Variants in ASAP1 observed in about 807,000 individuals in gnomAD.
ASAP1 encodes arf-GAP with SH3 domain, ANK repeat and PH domain-containing protein 1.
ASAP1 carries 43 observed loss-of-function variants against 145.2 expected under a neutral mutation model. That is an observed-to-expected ratio of 0.30 (90% confidence interval 0.23 to 0.38). The LOEUF is 0.38. ASAP1 is among the 10% of genes least tolerant of loss of function. The pLI, the probability that ASAP1 is intolerant of heterozygous loss-of-function variation, is 1.00. For synonymous variants in ASAP1, 546 were observed against 515.5 expected, an observed-to-expected ratio of 1.06 and a Z score of -0.80; for missense variants, 1,018 against 1,355.3, an observed-to-expected ratio of 0.75 and a Z score of 3.91.
At chr8:130,438,083 G>A (rs972605217) in intron 1 of ASAP1, among the ~76,000 whole-genome samples, 5 of 152,202 alleles carry the variant, frequency 3.3e-5, no homozygotes, top group African/African-American at 4.8e-5. Flanking sequence ...CAGTCGCTTT[G>A]TAACTCAGCT....
At chr8:130,432,380 G>C (rs1271405799) in intron 1 of ASAP1, among the ~76,000 whole-genome samples, 1 of 152,056 alleles carries the variant, frequency 6.6e-6, no homozygotes, top group African/African-American at 2.4e-5. Context: ...GGAACAGCAA[G>C]ACTGTGAAAG....
At position 130,262,457 on chromosome 8, in the gene ASAP1, A is replaced by AGAGAGAGAGT. The variant is rs796416744; in HGVS notation, c.187-25464_187-25463insACTCTCTCTC. Among the ~76,000 whole-genome samples the AGAGAGAGAGT allele has an allele frequency of 2.7e-4, 35 of 127,870 alleles. 1 individual carries two copies. The highest frequency in any genetic ancestry group is 4.1e-4 in the Non-Finnish European group (25 of 60,942). The allele number at this position is 127,870 out of a possible 152,430, so 83.9% of individuals were successfully genotyped here. A position where few individuals can be genotyped will look rare whatever the true frequency, so the allele number is the denominator to read the frequency against. ...GAGAGAGAGAGAGAGAGAGAGAGAG[A>AGAGAGAGAGT]ACCTGTGGAATTTCAGATAGGTTAG... On this transcript the variant is annotated intron_variant, in intron 3 of 29. Coordinates refer to ENST00000518721, the MANE Select transcript of ASAP1 (RefSeq NM_018482.4).
intron 7 of ASAP1, among the ~76,000 whole-genome samples, chr8:130,185,725 G>A (rs1218565862): frequency 3.5e-5 from 3 of 85,214 alleles, no homozygotes; most frequent in Admixed American, 1.5e-4. Context: ...GTGAAACTCC[G>A]CCTCAAAAAA....
intron 23 of ASAP1, among the ~76,000 whole-genome samples, chr8:130,115,070 T>A (rs2097552868): frequency 6.6e-6 from 1 of 152,202 alleles, no homozygotes; most frequent in African/African-American, 2.4e-5. Context: ...TCATGGTTAA[T>A]TTTATGTGTC....
intron 3 of ASAP1, among the ~76,000 whole-genome samples, chr8:130,344,788 A>G (rs1825604814): frequency 6.6e-6 from 1 of 152,178 alleles, no homozygotes. Flanking sequence ...AAAACTGCCC[A>G]AAGTAAAAAA....
intron 3 of ASAP1, among the ~76,000 whole-genome samples, chr8:130,251,942 T>A (rs988614806): frequency 1.3e-5 from 2 of 152,166 alleles, no homozygotes; most frequent in African/African-American, 4.8e-5. Context: ...ATATTTCAAG[T>A]CACAAAACCA....
chr8:130,437,678 G>C (rs1181881145), intron 1 of ASAP1, among the ~76,000 whole-genome samples: 3 of 152,208 alleles, frequency 2.0e-5, no homozygotes, highest in Admixed American at 6.5e-5. Flanking sequence ...TTTTTACAGA[G>C]GCAGAAGCCT....
chr8:130,169,151 C>T lies in ASAP1; in HGVS notation c.747-84G>A, dbSNP rs562620995. The T allele has an allele frequency of 1.9e-4, 146 of 769,734 alleles. No individual in the cohort carries two copies. In the African/African-American group the frequency reaches 2.4e-3, roughly 13 times the overall value. 47.7% of individuals were successfully genotyped at this position (769,734 alleles called of 1,614,324 possible). ...CCTTATGTGGAAATAAAAAAAGGAACTATAATAACCTACAAAATCTGAAAA... is the reference window on the plus strand; with the variant it reads ...CCTTATGTGGAAATAAAAAAAGGAATTATAATAACCTACAAAATCTGAAAA... On this transcript the variant is annotated intron_variant, in intron 9 of 29. Transcript: ENST00000518721.
chr8:130,432,895 T>C (rs1223550979), intron 1 of ASAP1, among the ~76,000 whole-genome samples: 1 of 152,154 alleles, frequency 6.6e-6, no homozygotes, highest in Non-Finnish European at 1.5e-5. Context: ...CACTGGAGGG[T>C]GGACATCTGA....
intron 25 of ASAP1, among the ~76,000 whole-genome samples, chr8:130,081,845 G>A (rs540401078): frequency 1.3e-5 from 2 of 152,128 alleles, no homozygotes; most frequent in East Asian, 1.9e-4. Flanking sequence ...TAACAGCAAC[G>A]ACCGTTTACT....
chr8:130,299,914 T>G (rs990224666), intron 3 of ASAP1, among the ~76,000 whole-genome samples: 1 of 152,006 alleles, frequency 6.6e-6, no homozygotes, highest in Non-Finnish European at 1.5e-5. Context: ...ATTTTCTTCA[T>G]ACAAATCTTC....
intron 2 of ASAP1, among the ~76,000 whole-genome samples, chr8:130,373,850 A>G (rs911657714): frequency 1.9e-4 from 18 of 95,136 alleles, no homozygotes; most frequent in African/African-American, 6.6e-4. Flanking sequence ...GAGTCTCCAG[A>G]AAAAAAAAAA....
At position 130,072,831 on chromosome 8, in the gene ASAP1, G is replaced by GCGC. The variant is rs58907739; in HGVS notation, c.2701+3516_2701+3517insGCG. ...TGTGTGTGTGTGTGTGTGTGCGCGCGGGGGGGGGCAGTTTTGGGGACTGAG... is the reference window on the plus strand; with the variant it reads ...TGTGTGTGTGTGTGTGTGTGCGCGCGCGCGGGGGGGGCAGTTTTGGGGACTGAG... On this transcript the variant is annotated intron_variant, in intron 27 of 29. Transcript: ENST00000518721. Among the ~76,000 whole-genome samples the GCGC allele has an allele frequency of 9.8e-3, 1,090 of 110,764 alleles. 69 individuals carry two copies. Among genetic ancestry groups the GCGC allele is most frequent in the African/African-American group, 0.037 (1,019 of 27,910 alleles). The allele number at this position is 110,764 out of a possible 152,430, so 72.7% of individuals were successfully genotyped here. A position where few individuals can be genotyped will look rare whatever the true frequency, so the allele number is the denominator to read the frequency against.
intron 4 of ASAP1, among the ~76,000 whole-genome samples, chr8:130,235,282 T>C (rs183022981): frequency 8.6e-4 from 131 of 152,254 alleles, no homozygotes; most frequent in African/African-American, 3.0e-3. Flanking sequence ...GTGAACCTCC[T>C]TGTATATAAT....
chr8:130,187,950 A>G (rs1814852235), intron 6 of ASAP1, among the ~76,000 whole-genome samples, 159 bp downstream of exon 6: 1 of 152,208 alleles, frequency 6.6e-6, no homozygotes, highest in East Asian at 1.9e-4. Context: ...CATTATGTGA[A>G]GAGGCACATT....
At chr8:130,421,792 T>C (rs1377355262) in intron 1 of ASAP1, among the ~76,000 whole-genome samples, 1 of 152,220 alleles carries the variant, frequency 6.6e-6, no homozygotes, top group African/African-American at 2.4e-5. Context: ...TTGCAGCTAT[T>C]ATCACTATAT....
chr8:130,380,458 GCAGGGTGCAGGGAAC>G (rs1194285245), intron 2 of ASAP1, among the ~76,000 whole-genome samples: 3 of 152,182 alleles, frequency 2.0e-5, no homozygotes, highest in South Asian at 2.1e-4. Flanking sequence ...TTTGCAGGGT[GCAGGGTGCAGGGAAC>G]CAGGGTGCGC....
intron 9 of ASAP1, among the ~76,000 whole-genome samples, chr8:130,170,731 A>ATCTCTC (rs140376720): frequency 5.3e-5 from 8 of 149,816 alleles, no homozygotes; most frequent in East Asian, 2.0e-4. Flanking sequence ...GTAAAGCCTC[A>ATCTCTC]TCTCTCTCTC....
intron 1 of ASAP1, among the ~76,000 whole-genome samples, chr8:130,412,936 G>C (rs974487205): frequency 6.6e-6 from 1 of 152,126 alleles, no homozygotes; most frequent in African/African-American, 2.4e-5. Context: ...GAGCCACTGT[G>C]CCCAGCCACA....
Sources: gnomAD v4.1 joint callset for allele counts (sites outside exome capture counted in the v4.1 genomes callset) on GRCh38, gnomAD v4.1.1 for gene constraint, MANE v1.5 for transcripts, NCBI Gene and HGNC (gene_info 2026-07-23, HGNC 2026-07-21) for gene names.